The following SHC4 variants were observed in gnomAD, a reference collection of about 807,000 sequenced individuals.
SHC4 encodes SHC adaptor protein 4, also known as SHC-transforming protein 4.
Under a neutral mutation model 69.4 loss-of-function variants are expected in SHC4, and 41 were observed. The observed-to-expected ratio is 0.59, with a 90% CI of 0.46 to 0.77. The LOEUF is 0.77. SHC4 is among the 30% of genes least tolerant of loss of function. The probability of loss-of-function intolerance (pLI) is 0.00; values close to 1 mark genes in which losing one functional copy is unlikely to be tolerated. For synonymous variants in SHC4, 318 were observed against 299.3 expected, an observed-to-expected ratio of 1.06 and a Z score of -0.64; for missense variants, 777 against 783.8, an observed-to-expected ratio of 0.99 and a Z score of 0.10.
At chr15:48,960,173 C>T (rs1306807798) in intron 1 of SHC4, among the ~76,000 whole-genome samples, 2 of 152,104 alleles carry the variant, frequency 1.3e-5, no homozygotes, top group Non-Finnish European at 2.9e-5. Flanking sequence ...AGATGGTGCC[C>T]CCATTAAAAA....
rs1472906541 is a variant in SHC4 at position 48,826,007 on chromosome 15, T to G, written c.1857A>C (p.Lys619Asn). ...AATGCAAAAGTGCTGGATTATTATC[T>G]TTTCTCACTGGTTGTTTAAGGCTTA... is the stretch of plus-strand genomic sequence containing the variant. ...SEVSLKQPVR[K>N]DNNPALLHSN... Residue 619 changes from lysine to asparagine, a missense_variant, in exon 12 of 12, where the codon AAA becomes AAC. By Grantham distance (94) the Lys-to-Asn change is moderately conservative. Transcript: ENST00000332408. 1 of 1,613,968 alleles carries G rather than the reference T, an allele frequency of 6.2e-7. No individual in the cohort carries two copies. The highest frequency in any genetic ancestry group is 1.3e-5 in the African/African-American group (1 of 75,034).
At chr15:48,871,134 G>A (rs1899668506) in intron 5 of SHC4, among the ~76,000 whole-genome samples, 1 of 152,206 alleles carries the variant, frequency 6.6e-6, no homozygotes, top group Admixed American at 6.5e-5. Context: ...AAACTGAATT[G>A]TATTGGTTCG....
At position 48,835,040 on chromosome 15, in the gene SHC4, AG is replaced by A; in HGVS notation, c.1484-19del. On this transcript the variant is annotated intron_variant, in intron 10 of 11. Transcript: ENST00000332408. The stretch of plus-strand genomic sequence containing the variant: ...TGGTGCCTCTGAAGTCAGAACACAA[AG>A]AGAGACATCATCGAGTTACCTCTTC... 1 of 1,599,044 alleles carries A rather than the reference AG, an allele frequency of 6.3e-7. No individual in the cohort carries two copies. The highest frequency in any genetic ancestry group is 2.2e-5 in the East Asian group (1 of 44,578).
At chr15:48,865,940 A>T (rs1899551248) in intron 6 of SHC4, among the ~76,000 whole-genome samples, 1 of 152,184 alleles carries the variant, frequency 6.6e-6, no homozygotes, top group Admixed American at 6.5e-5. Context: ...CTTTGCAGGC[A>T]TGTGGATCCT....
At chr15:48,871,437 C>A (rs1899675775) in intron 5 of SHC4, among the ~76,000 whole-genome samples, 1 of 152,196 alleles carries the variant, frequency 6.6e-6, no homozygotes, top group African/African-American at 2.4e-5. Flanking sequence ...GGCTCCCTAG[C>A]TTCAAAGCCC....
intron 4 of SHC4, chr15:48,878,454 T>TCGAGAGCGAGGA: frequency 6.2e-7 from 1 of 1,613,416 alleles, no homozygotes; most frequent in Non-Finnish European, 8.5e-7. Flanking sequence ...GGCGCAGACT[T>TCGAGAGCGAGGA]CGAGAGCGAG....
intron 1 of SHC4, among the ~76,000 whole-genome samples, chr15:48,933,558 A>G (rs141651113): frequency 2.3e-4 from 35 of 152,324 alleles, no homozygotes; most frequent in African/African-American, 7.9e-4. Context: ...GCTTCTTTGT[A>G]CAAATTGACA....
chr15:48,914,290 AG>A (rs1481657945), intron 2 of SHC4, among the ~76,000 whole-genome samples: 1 of 152,250 alleles, frequency 6.6e-6, no homozygotes, highest in East Asian at 1.9e-4. Context: ...TAAGTGTGGT[AG>A]GGATTTGGAG....
chr15:48,868,968 T>C (rs576904077), intron 5 of SHC4, among the ~76,000 whole-genome samples: 6 of 152,256 alleles, frequency 3.9e-5, no homozygotes, highest in African/African-American at 1.4e-4. Flanking sequence ...AGTGAAGAGG[T>C]GGTCTGATGC....
intron 11 of SHC4, among the ~76,000 whole-genome samples, chr15:48,829,192 A>G (rs1234111378): frequency 1.3e-5 from 2 of 152,186 alleles, no homozygotes; most frequent in Non-Finnish European, 2.9e-5. Context: ...TGTGCACTTG[A>G]GAAGAATATG....
At chr15:48,854,672 A>G (rs1248023473) in intron 8 of SHC4, among the ~76,000 whole-genome samples, 1 of 152,198 alleles carries the variant, frequency 6.6e-6, no homozygotes, top group Non-Finnish European at 1.5e-5. Context: ...TTGCAACAAC[A>G]TGGATGCTGC....
intron 9 of SHC4, among the ~76,000 whole-genome samples, chr15:48,850,544 T>C (rs1595731616): frequency 6.6e-6 from 1 of 152,182 alleles, no homozygotes; most frequent in Admixed American, 6.5e-5. Flanking sequence ...ACTGCAAAAC[T>C]TTCCTTCCTG....
chr15:48,891,989 G>A (rs1043602295), intron 2 of SHC4, among the ~76,000 whole-genome samples: 6 of 152,036 alleles, frequency 3.9e-5, no homozygotes, highest in African/African-American at 1.4e-4. Flanking sequence ...CGAGTAGCTG[G>A]GACAACAGGC....
At chr15:48,950,665 C>T (rs1901351418) in intron 1 of SHC4, among the ~76,000 whole-genome samples, 1 of 152,060 alleles carries the variant, frequency 6.6e-6, no homozygotes, top group Non-Finnish European at 1.5e-5. Context: ...GTGGAATTGA[C>T]AGTTTGTGAT....
rs770951484 is a variant in SHC4 at position 48,878,137 on chromosome 15, T to G, written c.841-5995A>C. ...AACGCACGGCCGCGCAGCATCTGTC[T>G]TGCTGGAAGCTTTTTCCTAGAGGTT... is the stretch of plus-strand genomic sequence containing the variant. On this transcript the variant is annotated intron_variant, in intron 4 of 11. Transcript: ENST00000332408. 1.6e-5 allele frequency: 25 copies of G among 1,517,822 alleles called. No individual in the cohort carries two copies. In the South Asian group the frequency reaches 3.3e-4, roughly 20 times the overall value. The allele number at this position is 1,517,822 out of a possible 1,614,324, so 94.0% of individuals were successfully genotyped here.
intron 4 of SHC4, among the ~76,000 whole-genome samples, chr15:48,874,006 T>C (rs1595740478): frequency 6.6e-6 from 1 of 152,142 alleles, no homozygotes; most frequent in South Asian, 2.1e-4. Flanking sequence ...CTAAAATTCA[T>C]ATGGAAGAAT....
intron 10 of SHC4, among the ~76,000 whole-genome samples, chr15:48,836,055 T>C (rs1044361287): frequency 8.2e-6 from 1 of 121,890 alleles, no homozygotes; most frequent in African/African-American, 3.2e-5. Flanking sequence ...AAGCCAGGCA[T>C]AGTGGCACGT....
chr15:48,908,523 TC>T (rs1268189250), intron 2 of SHC4, among the ~76,000 whole-genome samples: 3 of 152,220 alleles, frequency 2.0e-5, no homozygotes, highest in Non-Finnish European at 4.4e-5. Flanking sequence ...TGCTGACTGT[TC>T]CTTTTGCCAT....
At chr15:48,948,512 A>G (rs1335449889) in intron 1 of SHC4, among the ~76,000 whole-genome samples, 3 of 152,256 alleles carry the variant, frequency 2.0e-5, no homozygotes, top group Non-Finnish European at 4.4e-5. Flanking sequence ...TTGTGGGCTT[A>G]CCAAGAATTC....
Sources: gnomAD v4.1 joint callset for allele counts (sites outside exome capture counted in the v4.1 genomes callset) on GRCh38, gnomAD v4.1.1 for gene constraint, MANE v1.5 for transcripts, NCBI Gene and HGNC (gene_info 2026-07-23, HGNC 2026-07-21) for gene names.